The following PPFIA1 variants were observed in gnomAD, a reference collection of about 807,000 sequenced individuals.
The protein encoded by PPFIA1 is liprin-alpha-1.
Under a neutral mutation model 149.9 loss-of-function variants are expected in PPFIA1, and 25 were observed. That is an observed-to-expected ratio of 0.17 (90% confidence interval 0.12 to 0.23). PPFIA1 has a LOEUF of 0.23. Ranked by LOEUF, PPFIA1 falls within the 10% of genes least tolerant of loss-of-function variation. The probability of loss-of-function intolerance (pLI) is 1.00; values close to 1 mark genes in which losing one functional copy is unlikely to be tolerated. For synonymous variants in PPFIA1, 549 were observed against 552.8 expected (o/e 0.99, Z 0.10); for missense variants, 1,362 against 1,506.5 (o/e 0.90, Z 1.59).
At chr11:70,321,078 T>A (rs1351398268) in intron 2 of PPFIA1, among the ~76,000 whole-genome samples, 1 of 152,178 alleles carries the variant, frequency 6.6e-6, no homozygotes, top group African/African-American at 2.4e-5. Context: ...GGTTTCACTG[T>A]ATTAGAAGGT....
intron 2 of PPFIA1, among the ~76,000 whole-genome samples, chr11:70,285,884 G>C (rs1460956530): frequency 2.0e-5 from 3 of 152,072 alleles, no homozygotes; most frequent in Non-Finnish European, 2.9e-5. Context: ...TATTCCATAG[G>C]TAAAAAGGGT....
chr11:70,315,193 TA>T (rs567827149), intron 2 of PPFIA1, among the ~76,000 whole-genome samples: 70 of 152,346 alleles, frequency 4.6e-4, no homozygotes, highest in African/African-American at 1.6e-3. Context: ...TGTAATCTGT[TA>T]TACGCAAATA....
intron 2 of PPFIA1, among the ~76,000 whole-genome samples, chr11:70,295,030 C>T (rs2051812271): frequency 6.6e-6 from 1 of 152,246 alleles, no homozygotes; most frequent in Non-Finnish European, 1.5e-5. Flanking sequence ...TCCACAAAAC[C>T]GCCATTGTCA....
At chr11:70,298,121 A>G (rs2052210034) in intron 2 of PPFIA1, among the ~76,000 whole-genome samples, 2 of 152,218 alleles carry the variant, frequency 1.3e-5, no homozygotes. Flanking sequence ...TGAAAATCCA[A>G]ATCAGATGTT....
intron 2 of PPFIA1, among the ~76,000 whole-genome samples, chr11:70,294,413 C>T (rs1002284086): frequency 6.6e-6 from 1 of 152,088 alleles, no homozygotes; most frequent in African/African-American, 2.4e-5. Flanking sequence ...GGGATATGCC[C>T]ACGTCCTTTA....
At position 70,338,205 on chromosome 11, in the gene PPFIA1, G is replaced by A. The variant is rs182806993; in HGVS notation, c.1492-169G>A. ...TTAATATAGTAGTCTGAGTGTTTAT[G>A]TTTATTGCAGTACTCTTGGAGAAAA... is the stretch of plus-strand genomic sequence containing the variant. On this transcript the variant is annotated intron_variant, in intron 12 of 27. Transcript: ENST00000253925. Among the ~76,000 whole-genome samples the A allele has an allele frequency of 1.0e-3, 152 of 152,316 alleles. 1 individual carries two copies. Among genetic ancestry groups the A allele is most frequent in the Middle Eastern group, 3.4e-3 (1 of 294 alleles).
At chr11:70,369,136 A>C (rs1239741459) in intron 21 of PPFIA1, among the ~76,000 whole-genome samples, 1 of 152,126 alleles carries the variant, frequency 6.6e-6, no homozygotes, top group Non-Finnish European at 1.5e-5. Flanking sequence ...GGGTTTTTGT[A>C]AATGCCTTTT....
At chr11:70,324,785 A>T in intron 3 of PPFIA1, 62 bp from the exon 4 acceptor site, 1 of 1,416,518 alleles carries the variant, frequency 7.1e-7, no homozygotes, top group Non-Finnish European at 9.6e-7. Context: ...TATTTGCCCC[A>T]GATTCAATCA....
intron 2 of PPFIA1, among the ~76,000 whole-genome samples, chr11:70,286,401 G>A (rs2051126455): frequency 6.6e-6 from 1 of 152,146 alleles, no homozygotes; most frequent in African/African-American, 2.4e-5. Flanking sequence ...ACAGGCACAT[G>A]CCACCGCGCC....
Position 70,322,102 on chromosome 11 carries a change from C to T in PPFIA1, c.265-2300C>T, listed in dbSNP as rs145001993. Among the ~76,000 whole-genome samples the T allele has an allele frequency of 6.3e-3, 958 of 152,324 alleles. 11 individuals are homozygous for T. Among genetic ancestry groups the T allele is most frequent in the African/African-American group, 0.022 (928 of 41,562 alleles). ...CCATGTTGGTCAGGCTGGACTCGAA[C>T]TCCCGACCTCAGGTGATCTGCCTGC... On this transcript the variant is annotated intron_variant, in intron 2 of 27. Coordinates refer to ENST00000253925, the MANE Select transcript of PPFIA1 (RefSeq NM_003626.5).
chr11:70,293,013 G>A (rs1334928334), intron 2 of PPFIA1, among the ~76,000 whole-genome samples: 1 of 152,224 alleles, frequency 6.6e-6, no homozygotes, highest in Non-Finnish European at 1.5e-5. Context: ...CCCCTGCCTG[G>A]GATGGGAGCC....
At chr11:70,281,432 T>G (rs776211164) in intron 2 of PPFIA1, among the ~76,000 whole-genome samples, 2 of 152,138 alleles carry the variant, frequency 1.3e-5, no homozygotes, top group African/African-American at 2.4e-5. Flanking sequence ...CCAGGGCCCC[T>G]CTTTCTTGGC....
intron 13 of PPFIA1, among the ~76,000 whole-genome samples, chr11:70,338,797 T>C (rs2055134007): frequency 6.6e-6 from 1 of 152,220 alleles, no homozygotes; most frequent in Non-Finnish European, 1.5e-5. Flanking sequence ...TGCAGAGCAG[T>C]TGAAGGCCAG....
chr11:70,315,937 G>C (rs1235930979), intron 2 of PPFIA1, among the ~76,000 whole-genome samples: 1 of 151,932 alleles, frequency 6.6e-6, no homozygotes, highest in African/African-American at 2.4e-5. Flanking sequence ...CTATGAGTTT[G>C]ACTGCTCTAG....
rs186792280 is a variant in PPFIA1, at chr11:70,316,241, T to C, written c.265-8161T>C. On this transcript the variant is annotated intron_variant, in intron 2 of 27. Transcript: ENST00000253925. ...CATGCACCACCACGCCTGGCTAATTTTTGTATTTTTAGTAGAGACGAGGTT... is the reference window on the plus strand; with the variant it reads ...CATGCACCACCACGCCTGGCTAATTCTTGTATTTTTAGTAGAGACGAGGTT... Among the ~76,000 whole-genome samples, 14 of 152,212 alleles carry C rather than the reference T, an allele frequency of 9.2e-5. No homozygotes were observed. In the East Asian group the frequency reaches 2.7e-3, roughly 29 times the overall value.
chr11:70,361,991 G>C, intron 19 of PPFIA1, 104 bp from the exon 20 acceptor site: 1 of 1,020,826 alleles, frequency 9.8e-7, no homozygotes. Context: ...GAACTCCTGG[G>C]CTCAAGTGGT....
rs572218170 is a variant in PPFIA1, at chr11:70,331,236, A to G, written c.1078-724A>G. ...GGTGACACAGCTAGACTCCGTCTCA[A>G]AAAAAAAAAAAAGGCAGTGAAGTCT... On this transcript the variant is annotated intron_variant, in intron 8 of 27. Coordinates refer to ENST00000253925, the MANE Select transcript of PPFIA1 (RefSeq NM_003626.5). Among the ~76,000 whole-genome samples the G allele has an allele frequency of 3.4e-3, 489 of 145,484 alleles. 3 individuals carry two copies. The highest frequency in any genetic ancestry group is 0.012 in the African/African-American group (460 of 38,546).
At chr11:70,294,171 G>A (rs1011423908) in intron 2 of PPFIA1, among the ~76,000 whole-genome samples, 2 of 151,892 alleles carry the variant, frequency 1.3e-5, no homozygotes, top group Non-Finnish European at 2.9e-5. Flanking sequence ...CAAACTCTTG[G>A]CCTCAAGTGA....
chr11:70,349,134 C>T lies in PPFIA1; in HGVS notation c.2163+714C>T, dbSNP rs1270169497. Among the ~76,000 whole-genome samples the T allele has an allele frequency of 3.5e-5, 4 of 115,250 alleles. No individual in the cohort carries two copies. In the Admixed American group the frequency reaches 3.9e-4, roughly 11 times the overall value. 75.6% of individuals were successfully genotyped at this position (115,250 alleles called of 152,430 possible). ...CAACCAGCTTCCTGGGCATCTACTA[C>T]CAAAAAAAAAAAAAAAAAAAAAAGG... is the stretch of plus-strand genomic sequence containing the variant. On this transcript the variant is annotated intron_variant, in intron 16 of 27. Transcript: ENST00000253925.
Sources: allele counts gnomAD v4.1 joint callset (sites outside exome capture counted in the v4.1 genomes callset), GRCh38; gene constraint gnomAD v4.1.1; transcripts MANE v1.5; gene names NCBI Gene and HGNC (gene_info 2026-07-23, HGNC 2026-07-21).